Variants in MYO1H observed in about 807,000 individuals in gnomAD.
MYO1H encodes myosin IH.
In MYO1H, 118 loss-of-function variants were observed where a neutral mutation model predicts 149.3. The observed-to-expected ratio is 0.79, with a 90% CI of 0.68 to 0.92. The LOEUF is 0.92. MYO1H is among the 40% of genes least tolerant of loss of function. The pLI is 0.00. For synonymous variants in MYO1H, 447 were observed against 465.2 expected, an observed-to-expected ratio of 0.96 and a Z score of 0.50; for missense variants, 1,212 against 1,280.7, an observed-to-expected ratio of 0.95 and a Z score of 0.82.
At chr12:109,382,810 G>A (rs958945952) in intron 1 of MYO1H, among the ~76,000 whole-genome samples, 2 of 149,922 alleles carry the variant, frequency 1.3e-5, no homozygotes, top group East Asian at 1.9e-4. Context: ...TTAGTTTTGT[G>A]TATGAGAACT....
intron 19 of MYO1H, among the ~76,000 whole-genome samples, chr12:109,429,643 C>G (rs929929569): frequency 2.6e-5 from 4 of 152,046 alleles, no homozygotes; most frequent in African/African-American, 9.7e-5. Flanking sequence ...GTCCTGGAAC[C>G]AATTCCCCAC....
chr12:109,433,060 G>T (rs1353706003), intron 20 of MYO1H, 50 bp downstream of exon 20: 2 of 1,470,468 alleles, frequency 1.4e-6, no homozygotes, highest in Non-Finnish European at 9.5e-7. Context: ...ACATCAAAGG[G>T]TTTTGTGCAT....
At chr12:109,349,490 C>CA (rs1868407752) in intron 1 of MYO1H, among the ~76,000 whole-genome samples, 1 of 108,906 alleles carries the variant, frequency 9.2e-6, no homozygotes, top group African/African-American at 4.1e-5. Flanking sequence ...TAGTGTGACC[C>CA]CCCCACCAAA....
chr12:109,375,449 G>A (rs768452438), intron 1 of MYO1H, among the ~76,000 whole-genome samples: 73 of 152,084 alleles, frequency 4.8e-4, no homozygotes, highest in African/African-American at 7.2e-4. Context: ...CACCACACCC[G>A]GCCAGCCATT....
At chr12:109,447,308 A>ACAT in exon 32 of MYO1H, 1 of 845,826 alleles carries the variant, frequency 1.2e-6, no homozygotes, top group Non-Finnish European at 2.0e-6. Context: ...CTAACAGATC[A>ACAT]CATCTGAAGA....
In MYO1H at chr12:109,436,565, T is replaced by G. The variant is rs770293304; in HGVS notation, c.2209+9T>G. On this transcript the variant is annotated intron_variant, in intron 22 of 31. Transcript: ENST00000310903. The stretch of plus-strand genomic sequence containing the variant: ...GAAAAAAAGACAAGCAGGTAAGAAT[T>G]AAATAGAAACAAATAAGTTTGCTCC... 7.5e-6 allele frequency: 12 copies of G among 1,592,786 alleles called. No homozygotes were observed. Among genetic ancestry groups the G allele is most frequent in the Non-Finnish European group, 1.0e-5 (12 of 1,167,298 alleles).
chr12:109,334,025 C>CT, the MYO1H span, among the ~76,000 whole-genome samples: 10 of 150,476 alleles, frequency 6.6e-5, no homozygotes, highest in South Asian at 2.1e-4. Flanking sequence ...TATTTGTTTA[C>CT]TTTTTTTTTG....
At chr12:109,343,312 T>G (rs1004938703), upstream of MYO1H, among the ~76,000 whole-genome samples, 1 of 152,172 alleles carries the variant, frequency 6.6e-6, no homozygotes, top group African/African-American at 2.4e-5. Context: ...CAGATAAACT[T>G]CTGTGTAGAA....
chr12:109,335,562 GT>G, the MYO1H span, among the ~76,000 whole-genome samples: 3 of 142,426 alleles, frequency 2.1e-5, no homozygotes, highest in African/African-American at 5.1e-5. Flanking sequence ...TTCTTCTTTT[GT>G]AAAAAACAAA....
At chr12:109,329,872 GT>G in the MYO1H span, among the ~76,000 whole-genome samples, 2 of 152,086 alleles carry the variant, frequency 1.3e-5, no homozygotes, top group African/African-American at 4.8e-5. Context: ...AGAATTCCAC[GT>G]TGTGATCAAG....
At chr12:109,396,319 G>T (rs1869901855) in intron 3 of MYO1H, 65 bp from the exon 4 acceptor site, 3 of 1,359,448 alleles carry the variant, frequency 2.2e-6, no homozygotes, top group South Asian at 1.4e-5. Flanking sequence ...TTCTTCTTTG[G>T]TGGGTGTCAG....
At chr12:109,389,897 G>C (rs1403688043) in intron 2 of MYO1H, among the ~76,000 whole-genome samples, 1 of 152,124 alleles carries the variant, frequency 6.6e-6, no homozygotes. Flanking sequence ...AGTAAACAAG[G>C]TGTTTCTTAG....
chr12:109,313,404 C>T, the MYO1H span, among the ~76,000 whole-genome samples: 585 of 152,270 alleles, frequency 3.8e-3, 3 homozygotes, highest in African/African-American at 0.013. Flanking sequence ...ACAACAACTT[C>T]AGAAGATGGG....
At chr12:109,394,182 G>A (rs1592790436) in intron 3 of MYO1H, among the ~76,000 whole-genome samples, 2 of 152,090 alleles carry the variant, frequency 1.3e-5, no homozygotes, top group South Asian at 2.1e-4. Flanking sequence ...AAGCTGACAG[G>A]GTAGAATTAT....
chr12:109,444,284 G>T lies in MYO1H; in HGVS notation c.2895+1G>T. The T allele has an allele frequency of 6.2e-7, 1 of 1,613,192 alleles. No individual in the cohort carries two copies. Among genetic ancestry groups the T allele is most frequent in the Non-Finnish European group, 8.5e-7 (1 of 1,179,232 alleles). ...TTCACCAGAGGACAGCAAGCAAAAG[G>T]TAATTGACAGCCACCAGTCTCTACT... On this transcript the variant is annotated splice_donor_variant, in intron 29 of 31. Transcript: ENST00000310903. LOFTEE classifies it high-confidence loss of function.
At chr12:109,332,953 T>C in the MYO1H span, among the ~76,000 whole-genome samples, 1 of 152,190 alleles carries the variant, frequency 6.6e-6, no homozygotes. Flanking sequence ...CCAGGTTTTA[T>C]ATGCAGGTCG....
the MYO1H span, among the ~76,000 whole-genome samples, chr12:109,317,517 T>C: frequency 6.6e-6 from 1 of 152,196 alleles, no homozygotes; most frequent in Non-Finnish European, 1.5e-5. Context: ...ACACTTCCCC[T>C]GGCCTTTTTC....
chr12:109,436,530 G>A (rs1278662272), exon 22 of MYO1H: 4 of 1,610,182 alleles, frequency 2.5e-6, no homozygotes, highest in African/African-American at 1.3e-5. Context: ...CTAGGAAGGA[G>A]AGAATACGTG....
chr12:109,334,358 A>G, the MYO1H span, among the ~76,000 whole-genome samples: 3 of 151,976 alleles, frequency 2.0e-5, no homozygotes, highest in Non-Finnish European at 2.9e-5. Flanking sequence ...TGGTTGGTTG[A>G]TTGACAGGGG....
Sources: gnomAD v4.1 joint callset for allele counts (sites outside exome capture counted in the v4.1 genomes callset) on GRCh38, gnomAD v4.1.1 for gene constraint, MANE v1.5 for transcripts, NCBI Gene and HGNC (gene_info 2026-07-23, HGNC 2026-07-21) for gene names.